NRXN3: variants seen among roughly 807,000 people sequenced by gnomAD.
The protein encoded by NRXN3 is neurexin 3.
In NRXN3, 32 loss-of-function variants were observed where a neutral mutation model predicts 137.6. The ratio of observed to expected loss-of-function variants is 0.23; its 90% confidence interval spans 0.18 to 0.31. The LOEUF (loss-of-function observed/expected upper bound fraction) is 0.31. NRXN3 is among the 10% of genes least tolerant of loss of function. The pLI, the probability that NRXN3 is intolerant of heterozygous loss-of-function variation, is 1.00. For missense variants in NRXN3, 1,574 were observed against 2,062.5 expected, an observed-to-expected ratio of 0.76 and a Z score of 4.59; for synonymous variants, 798 against 784.5, an observed-to-expected ratio of 1.02 and a Z score of -0.29.
chr14:79,740,485 A>C (rs1017814533), intron 19 of NRXN3, among the ~76,000 whole-genome samples: 12 of 151,572 alleles, frequency 7.9e-5, no homozygotes, highest in Non-Finnish European at 1.8e-4. Context: ...CTCTGGATAC[A>C]TACCAACACT....
chr14:79,837,299 T>TA (rs11343822), intron 20 of NRXN3, among the ~76,000 whole-genome samples: 51 of 150,954 alleles, frequency 3.4e-4, no homozygotes, highest in Non-Finnish European at 7.2e-4. Flanking sequence ...CATTTTTTTT[T>TA]AAAAAAACCG....
At chr14:79,692,949 T>C (rs1603432838) in intron 18 of NRXN3, among the ~76,000 whole-genome samples, 2 of 152,060 alleles carry the variant, frequency 1.3e-5, no homozygotes, top group African/African-American at 4.8e-5. Context: ...GTGTATTTGA[T>C]GTTTTATGCA....
chr14:79,380,304 G>A (rs747129927), intron 15 of NRXN3, among the ~76,000 whole-genome samples: 5 of 151,370 alleles, frequency 3.3e-5, no homozygotes, highest in Non-Finnish European at 4.4e-5. Context: ...CCATTAACTC[G>A]TCATTTAGCA....
At chr14:78,750,808 A>G (rs1376967592) in intron 8 of NRXN3, among the ~76,000 whole-genome samples, 1 of 152,176 alleles carries the variant, frequency 6.6e-6, no homozygotes, top group Middle Eastern at 3.2e-3. Context: ...CAGGCTTCCT[A>G]GGCTCTCTGA....
chr14:79,585,184 CAA>C lies in NRXN3; in HGVS notation c.3445-78592_3445-78591del, dbSNP rs201251456. ...CCAAAGATGTTGGGTTAATTTTAGT[CAA>C]AGTGATTTTATGCCCACAACATCTG... is the stretch of plus-strand genomic sequence containing the variant. On this transcript the variant is annotated intron_variant, in intron 16 of 20. Coordinates refer to ENST00000335750, the MANE Select transcript of NRXN3 (RefSeq NM_001330195.2). 4.1e-3 allele frequency among the ~76,000 whole-genome samples: 623 copies of C among 152,154 alleles called. 6 individuals are homozygous for C. Among genetic ancestry groups the C allele is most frequent in the African/African-American group, 0.014 (593 of 41,524 alleles).
At chr14:78,888,326 A>G (rs1433789295) in intron 10 of NRXN3, among the ~76,000 whole-genome samples, 1 of 152,052 alleles carries the variant, frequency 6.6e-6, no homozygotes, top group African/African-American at 2.4e-5. Flanking sequence ...AGTTGACAGC[A>G]AATTATTGAA....
intron 10 of NRXN3, among the ~76,000 whole-genome samples, chr14:78,817,300 T>A (rs3919591): frequency 0.018 from 2,798 of 152,286 alleles, 90 homozygotes; most frequent in African/African-American, 0.063. Flanking sequence ...GGGAATGGGA[T>A]CTAGCACCAA....
intron 4 of NRXN3, among the ~76,000 whole-genome samples, chr14:78,541,373 A>G (rs2096588037): frequency 6.6e-6 from 1 of 152,072 alleles, no homozygotes; most frequent in African/African-American, 2.4e-5. Flanking sequence ...TTGATCTTCA[A>G]TCACTGATAC....
chr14:78,466,626 A>AT (rs1325901798), intron 4 of NRXN3, among the ~76,000 whole-genome samples: 92 of 152,184 alleles, frequency 6.0e-4, no homozygotes, highest in Admixed American at 6.5e-5. Context: ...CTATGGAGAA[A>AT]TTTTTAAAGA....
chr14:78,996,542 A>C (rs1477087575), intron 15 of NRXN3, among the ~76,000 whole-genome samples: 3 of 152,136 alleles, frequency 2.0e-5, no homozygotes, highest in Non-Finnish European at 4.4e-5. Context: ...ATTATACTGT[A>C]ATTTCTAGTG....
chr14:79,227,788 T>TCCTCCCTTCCTCCCTTCCTC lies in NRXN3; in HGVS notation c.3263-239409_3263-239390dup, dbSNP rs1568684786. Among the ~76,000 whole-genome samples the TCCTCCCTTCCTCCCTTCCTC allele has an allele frequency of 1.6e-4, 4 of 24,458 alleles. No individual in the cohort carries two copies. In the South Asian group the frequency reaches 7.7e-3, roughly 47 times the overall value. 16.0% of individuals were successfully genotyped at this position (24,458 alleles called of 152,430 possible). On this transcript the variant is annotated intron_variant, in intron 15 of 20. Transcript: ENST00000335750. ...TTCCTTCCTTCCTTCCTTCCTTCCCTCCTCCCTTCCTCCCTTCCTCCCTCC... is the reference window on the plus strand; with the variant it reads ...TTCCTTCCTTCCTTCCTTCCTTCCCTCCTCCCTTCCTCCCTTCCTCCCTCCCTTCCTCCCTTCCTCCCTCC...
At chr14:79,467,758 TAAC>T (rs1363392111) in intron 16 of NRXN3, among the ~76,000 whole-genome samples, 1 of 152,150 alleles carries the variant, frequency 6.6e-6, no homozygotes, top group Non-Finnish European at 1.5e-5. Flanking sequence ...AGTGGAATGT[TAAC>T]AATCTCCTAG....
At chr14:79,410,417 T>C (rs988819325) in intron 15 of NRXN3, among the ~76,000 whole-genome samples, 1 of 152,080 alleles carries the variant, frequency 6.6e-6, no homozygotes, top group African/African-American at 2.4e-5. Flanking sequence ...TAAAATGTAG[T>C]TATCTAATTA....
chr14:78,926,883 T>TA lies in NRXN3; in HGVS notation c.2276-30358dup. ...TATAATATATATATAATATATAATATATTTATATATATATATAATATATAT... is the reference window on the plus strand; with the variant it reads ...TATAATATATATATAATATATAATATAATTTATATATATATATAATATATAT... On this transcript the variant is annotated intron_variant, in intron 10 of 20. Transcript: ENST00000335750. Among the ~76,000 whole-genome samples, 2 of 21,840 alleles carry TA rather than the reference T, an allele frequency of 9.2e-5. 1 individual carries two copies. Among genetic ancestry groups the TA allele is most frequent in the East Asian group, 4.6e-3 (2 of 432 alleles). The allele number at this position is 21,840 out of a possible 152,430, so 14.3% of individuals were successfully genotyped here.
intron 4 of NRXN3, among the ~76,000 whole-genome samples, chr14:78,608,110 A>G (rs774994591): frequency 7.9e-5 from 12 of 152,246 alleles, no homozygotes; most frequent in Non-Finnish European, 1.2e-4. Context: ...AACCAGAGAC[A>G]TGAAACAGAA....
At chr14:79,097,222 G>A (rs1405037161) in intron 15 of NRXN3, among the ~76,000 whole-genome samples, 1 of 152,070 alleles carries the variant, frequency 6.6e-6, no homozygotes, top group African/African-American at 2.4e-5. Flanking sequence ...GCCTGAAGTT[G>A]AGAACAGAAG....
chr14:79,208,464 C>T (rs1440652153), intron 15 of NRXN3, among the ~76,000 whole-genome samples: 4 of 152,104 alleles, frequency 2.6e-5, no homozygotes, highest in African/African-American at 9.7e-5. Flanking sequence ...AAAATATTTA[C>T]CAAAGGTCTT....
chr14:79,375,683 A>G (rs2094252656), intron 15 of NRXN3, among the ~76,000 whole-genome samples: 1 of 152,148 alleles, frequency 6.6e-6, no homozygotes, highest in Non-Finnish European at 1.5e-5. Flanking sequence ...TAGTTTTCAC[A>G]CAGCCCCATT....
intron 20 of NRXN3, among the ~76,000 whole-genome samples, chr14:79,810,753 C>T (rs919628261): frequency 6.6e-5 from 10 of 152,124 alleles, no homozygotes; most frequent in Non-Finnish European, 1.3e-4. Context: ...AAATCTGGCA[C>T]TGAGTTACTA....
Sources: gnomAD v4.1 joint callset for allele counts (sites outside exome capture counted in the v4.1 genomes callset) on GRCh38, gnomAD v4.1.1 for gene constraint, MANE v1.5 for transcripts, NCBI Gene and HGNC (gene_info 2026-07-23, HGNC 2026-07-21) for gene names.